LGSN: variants seen among roughly 807,000 people sequenced by gnomAD.
LGSN encodes the protein lengsin.
A neutral mutation model predicts 19.5 loss-of-function variants in LGSN; 21 were observed. The observed-to-expected ratio is 1.07, with a 90% CI of 0.76 to 1.55. The LOEUF (loss-of-function observed/expected upper bound fraction) is 1.55, where lower values mean the gene tolerates loss of function less well. Among genes scored for constraint, LGSN ranks in the 40% most tolerant of loss-of-function variants. LGSN has a pLI of 0.00. For synonymous variants in LGSN, 257 were observed against 215.6 expected, an observed-to-expected ratio of 1.19 and a Z score of -1.68; for missense variants, 673 against 608.5, an observed-to-expected ratio of 1.11 and a Z score of -1.12.
chr6:63,507,261 A>T, the LGSN span, among the ~76,000 whole-genome samples: 1 of 152,088 alleles, frequency 6.6e-6, no homozygotes, highest in Non-Finnish European at 1.5e-5. Flanking sequence ...GGGCCAAGTT[A>T]TTTCTTATTC....
chr6:63,559,460 T>C, the LGSN span, among the ~76,000 whole-genome samples: 1 of 152,136 alleles, frequency 6.6e-6, no homozygotes, highest in African/African-American at 2.4e-5. Flanking sequence ...AAAAATGAAT[T>C]TCACGGCCAG....
chr6:63,468,388 A>C, the LGSN span, among the ~76,000 whole-genome samples: 1 of 151,992 alleles, frequency 6.6e-6, no homozygotes, highest in African/African-American at 2.4e-5. Context: ...TTGGCTTCTC[A>C]TAGTGCTGGG....
chr6:63,473,632 A>G, the LGSN span, among the ~76,000 whole-genome samples: 1 of 152,026 alleles, frequency 6.6e-6, no homozygotes, highest in South Asian at 2.1e-4. Flanking sequence ...TTCTATATCA[A>G]TTTTTATTCC....
At position 63,276,384 on chromosome 6, in the gene LGSN, G is replaced by A. The variant is rs1767107962; in HGVS notation, c.*3637C>T. 1 of 151,926 alleles carries A rather than the reference G, an allele frequency of 6.6e-6. No individual in the cohort carries two copies. The highest frequency in any genetic ancestry group is 2.4e-5 in the African/African-American group (1 of 41,280). The allele number at this position is 151,926 out of a possible 1,614,324, so 9.4% of individuals were successfully genotyped here. A position where few individuals can be genotyped will look rare whatever the true frequency, so the allele number is the denominator to read the frequency against. Reference sequence around the variant, plus strand: ...AGAATGTCCTTGAAAATAGAAACTTGTTACTACAATACTAATGTTTTAATT... The same window carrying A: ...AGAATGTCCTTGAAAATAGAAACTTATTACTACAATACTAATGTTTTAATT... On this transcript the variant is annotated 3_prime_UTR_variant, in exon 4 of 4. Transcript: ENST00000370657.
chr6:63,397,309 A>G, the LGSN span, among the ~76,000 whole-genome samples: 2 of 152,208 alleles, frequency 1.3e-5, no homozygotes, highest in African/African-American at 4.8e-5. Context: ...GGAGTATTCC[A>G]GGAGGAAATA....
At chr6:63,419,186 C>T in the LGSN span, among the ~76,000 whole-genome samples, 14 of 152,274 alleles carry the variant, frequency 9.2e-5, no homozygotes, top group East Asian at 9.7e-4. Context: ...GCCAGTCAAC[C>T]TTCTTATTTC....
intron 1 of LGSN, among the ~76,000 whole-genome samples, chr6:63,306,742 C>T (rs1001234798): frequency 3.3e-5 from 5 of 152,100 alleles, no homozygotes; most frequent in Admixed American, 1.3e-4. Flanking sequence ...GGAGGGCGAA[C>T]GCAGTAGTTG....
chr6:63,318,526 T>A (rs1023407695), intron 1 of LGSN, among the ~76,000 whole-genome samples: 2 of 152,202 alleles, frequency 1.3e-5, no homozygotes, highest in East Asian at 3.8e-4. Flanking sequence ...AAGATTCACC[T>A]TTATTACATC....
the LGSN span, among the ~76,000 whole-genome samples, chr6:63,533,926 C>A: frequency 8.0e-5 from 12 of 149,500 alleles, no homozygotes; most frequent in African/African-American, 1.2e-4. Context: ...TCATTACAAC[C>A]TCTGCCTCCT....
the LGSN span, among the ~76,000 whole-genome samples, chr6:63,559,550 T>C: frequency 6.6e-6 from 1 of 151,948 alleles, no homozygotes; most frequent in African/African-American, 2.4e-5. Context: ...ATGGAGACCA[T>C]CCTGGCCAAC....
chr6:63,332,186 G>C, the LGSN span, among the ~76,000 whole-genome samples: 5 of 152,174 alleles, frequency 3.3e-5, no homozygotes, highest in Non-Finnish European at 7.3e-5. Context: ...GTGTCTTTCT[G>C]ATTGGTGAGC....
At chr6:63,571,943 G>C in the LGSN span, 1 of 152,206 alleles carries the variant, frequency 6.6e-6, no homozygotes. Context: ...GGGTACAGCG[G>C]TCTTGCGACA....
chr6:63,444,809 T>G, the LGSN span, among the ~76,000 whole-genome samples: 4 of 152,192 alleles, frequency 2.6e-5, no homozygotes, highest in Non-Finnish European at 4.4e-5. Context: ...AATACTTAGA[T>G]GGAGCCTTTT....
the LGSN span, among the ~76,000 whole-genome samples, chr6:63,487,220 T>C: frequency 6.6e-6 from 1 of 152,178 alleles, no homozygotes; most frequent in Non-Finnish European, 1.5e-5. Context: ...TCCATTCTCC[T>C]TGGCCTCCCA....
the LGSN span, among the ~76,000 whole-genome samples, chr6:63,390,297 T>C: frequency 4.6e-5 from 7 of 151,568 alleles, no homozygotes; most frequent in African/African-American, 1.5e-4. Context: ...TACTGGCTAA[T>C]TTTTGTATCG....
the LGSN span, among the ~76,000 whole-genome samples, chr6:63,534,220 TA>T: frequency 2.0e-3 from 305 of 151,468 alleles, no homozygotes; most frequent in Non-Finnish European, 3.1e-3. Flanking sequence ...CAATTACGTT[TA>T]AAAAAAAAGT....
In LGSN at chr6:63,285,635, G is replaced by T. The variant is rs750502422; in HGVS notation, c.282C>A (p.Asp94Glu). 8.7e-6 allele frequency: 14 copies of T among 1,613,950 alleles called. 1 individual carries two copies. In the South Asian group the frequency reaches 1.4e-4, roughly 16 times the overall value. ...RLQFVRFEAT[D>E]LHGVSRSKTI... is the part of the protein sequence containing the mutation. ...TCTTAGACCTGGACACGCCGTGGAG[G>T]TCTGTTGCTTCAAATCGTACAAACT... Residue 94 changes from aspartate (D) to glutamate (E), a missense_variant, in exon 3 of 4, where the codon GAC (aspartate) becomes GAA (glutamate). Coordinates refer to ENST00000370657, the MANE Select transcript of LGSN (RefSeq NM_016571.3).
At chr6:63,330,774 G>A in the LGSN span, among the ~76,000 whole-genome samples, 1 of 152,184 alleles carries the variant, frequency 6.6e-6, no homozygotes, top group East Asian at 1.9e-4. Context: ...TTCTTCAGCT[G>A]TCATTCTGTC....
the LGSN span, among the ~76,000 whole-genome samples, chr6:63,330,078 G>A: frequency 6.6e-6 from 1 of 152,212 alleles, no homozygotes; most frequent in Non-Finnish European, 1.5e-5. Flanking sequence ...TCCTGTTGTT[G>A]GATCATCTGG....
Sources: allele counts gnomAD v4.1 joint callset (sites outside exome capture counted in the v4.1 genomes callset), GRCh38; gene constraint gnomAD v4.1.1; transcripts MANE v1.5; gene names NCBI Gene and HGNC (gene_info 2026-07-23, HGNC 2026-07-21).